The following GYG2 variants were observed in gnomAD, a reference collection of about 807,000 sequenced individuals.
GYG2 encodes glycogenin 2, also known as glycogenin-2.
A neutral mutation model predicts 29.4 loss-of-function variants in GYG2; 29 were observed. The observed-to-expected ratio is 0.99, with a 90% CI of 0.74 to 1.35. The LOEUF (loss-of-function observed/expected upper bound fraction) is 1.35, where lower values mean the gene tolerates loss of function less well. Ranked by LOEUF, GYG2 falls within the 40% of genes most tolerant of loss-of-function variation. The pLI, the probability that GYG2 is intolerant of heterozygous loss-of-function variation, is 0.00. For missense variants in GYG2, 370 were observed against 385.7 expected (o/e 0.96, Z 0.34); for synonymous variants, 167 against 172.3 (o/e 0.97, Z 0.24).
Position 2,843,216 on chromosome X carries a change from C to T in GYG2, c.11C>T (p.Thr4Ile), listed in dbSNP as rs779777696. Reference sequence around the variant, plus strand: ...GTGTTTCTGTTGATTTTCACAGTGACTGATCAGGCTTTTGTCACACTAGCC... The same window carrying T: ...GTGTTTCTGTTGATTTTCACAGTGATTGATCAGGCTTTTGTCACACTAGCC... MSV[T>I]DQAFVTLATN... The change falls in exon 3 of 11, where the codon ACT becomes ATT. Residue 4 changes from threonine (T) to isoleucine (I), a missense_variant. Coordinates refer to ENST00000398806, the MANE Select transcript of GYG2 (RefSeq NM_001079855.2). 2 of 1,204,653 alleles carry T rather than the reference C, an allele frequency of 1.7e-6. No homozygotes were observed. The highest frequency in any genetic ancestry group is 3.5e-5 in the South Asian group (2 of 56,726).
chrX:2,854,846 C>G lies in GYG2; in HGVS notation c.325-147C>G, dbSNP rs1654019292. The G allele has an allele frequency of 5.8e-6, 3 of 519,503 alleles. No individual in the cohort carries two copies. In the South Asian group the frequency reaches 1.1e-4, roughly 19 times the overall value. The allele number at this position is 519,503 out of a possible 1,213,427, so 42.8% of individuals were successfully genotyped here. ...ACTCAAGAGGCTGAGGTGGGGGGAT[C>G]GCTTGAACCCGGGAGGCGGAGGCCG... On this transcript the variant is annotated intron_variant, in intron 4 of 10. Transcript: ENST00000398806.
intron 2 of GYG2, among the ~76,000 whole-genome samples, chrX:2,832,181 T>C (rs1224962781): frequency 4.4e-5 from 5 of 112,752 alleles, no homozygotes; most frequent in Admixed American, 1.9e-4. Context: ...CTTTGCACTT[T>C]AGATGGGTTT....
chrX:2,837,600 G>T (rs894828670), intron 2 of GYG2, among the ~76,000 whole-genome samples: 11 of 110,375 alleles, frequency 1.0e-4, no homozygotes, highest in African/African-American at 3.3e-4. Flanking sequence ...GTTCCTAAAG[G>T]ATGCACTCCT....
chrX:2,865,559 T>C (rs2088277292), intron 8 of GYG2, among the ~76,000 whole-genome samples: 1 of 111,287 alleles, frequency 9.0e-6, no homozygotes, highest in Admixed American at 9.6e-5. Flanking sequence ...AAGCCAAACC[T>C]AGGAGAGACT....
chrX:2,842,185 C>CTTTCTTTTTTCTTT lies in GYG2; in HGVS notation c.8-1017_8-1004dup, dbSNP rs58249720. Among the ~76,000 whole-genome samples, 8 of 102,721 alleles carry CTTTCTTTTTTCTTT rather than the reference C, an allele frequency of 7.8e-5. 1 individual carries two copies. The highest frequency in any genetic ancestry group is 1.4e-4 in the Non-Finnish European group (7 of 50,516). 89.2% of individuals were successfully genotyped at this position (102,721 alleles called of 115,157 possible). ...GGAGCACGATTCTTTTCTTTCCTTT[C>CTTTCTTTTTTCTTT]TTTCTTTTTTCTTTTTTCTTTTTTT... On this transcript the variant is annotated intron_variant, in intron 2 of 10. Coordinates refer to ENST00000398806, the MANE Select transcript of GYG2 (RefSeq NM_001079855.2).
At chrX:2,846,055 ATTTTTTTTTTT>A (rs374480210) in intron 3 of GYG2, among the ~76,000 whole-genome samples, 60 of 38,655 alleles carry the variant, frequency 1.6e-3, no homozygotes, top group African/African-American at 5.6e-3. Flanking sequence ...ATATATATAT[ATTTTTTTTTTT>A]TTTTTTTTTT....
intron 2 of GYG2, among the ~76,000 whole-genome samples, chrX:2,834,317 G>A (rs1328894665): frequency 8.9e-6 from 1 of 111,945 alleles, no homozygotes; most frequent in African/African-American, 3.2e-5. Flanking sequence ...TGAAGCACAT[G>A]TCTGTGTTGG....
At chrX:2,829,092 T>G (rs1603458334) in intron 1 of GYG2, 117 bp downstream of exon 1, 1 of 20,284 alleles carries the variant, frequency 4.9e-5, no homozygotes, top group Non-Finnish European at 8.9e-5. Context: ...CGAGGGTGGG[T>G]GGCGTACAGC....
At chrX:2,879,216 T>G (rs1160132468) in intron 10 of GYG2, among the ~76,000 whole-genome samples, 1 of 90,094 alleles carries the variant, frequency 1.1e-5, no homozygotes, top group East Asian at 4.4e-4. Flanking sequence ...TATCTTTCTA[T>G]ATATCTATCT....
At chrX:2,877,677 C>G (rs986186496) in intron 10 of GYG2, 2 of 749,470 alleles carry the variant, frequency 2.7e-6, no homozygotes, top group Non-Finnish European at 3.1e-6. Flanking sequence ...TGCTAATGTT[C>G]GAATCCAAAT....
At chrX:2,850,707 C>T (rs931514746) in intron 3 of GYG2, among the ~76,000 whole-genome samples, 1 of 111,247 alleles carries the variant, frequency 9.0e-6, no homozygotes, top group Non-Finnish European at 1.9e-5. Flanking sequence ...CATCCTGGCT[C>T]AAAAGCTCCC....
chrX:2,843,735 T>A (rs1347199731), intron 3 of GYG2, among the ~76,000 whole-genome samples: 2 of 111,799 alleles, frequency 1.8e-5, no homozygotes, highest in African/African-American at 6.5e-5. Flanking sequence ...GCTCAAGCGA[T>A]CTTCCCTCCT....
At chrX:2,878,628 G>C (rs2088652428) in intron 10 of GYG2, among the ~76,000 whole-genome samples, 1 of 111,192 alleles carries the variant, frequency 9.0e-6, no homozygotes, top group Non-Finnish European at 1.9e-5. Flanking sequence ...CCACCTCACA[G>C]AATTGGAAGG....
Position 2,861,602 on chromosome X carries a change from T to A in GYG2, c.918T>A (p.Ser306Arg), listed in dbSNP as rs141040522. ...AGCCGTGTGAAAATTCAACACCCAG[T>A]GCGGGCGTGCCGTGTGCAAATTCAC... Reference protein sequence around the residue: ...VGEPCENSTPSAGVPCANSPL... With the variant: ...VGEPCENSTPRAGVPCANSPL... Residue 306 changes from serine to arginine, a missense_variant, in exon 8 of 11, where the codon AGT (serine) becomes AGA (arginine). Ser to Arg is a moderately radical substitution (Grantham distance 110). Coordinates refer to ENST00000398806, the MANE Select transcript of GYG2 (RefSeq NM_001079855.2). The A allele has an allele frequency of 4.6e-5, 55 of 1,204,794 alleles. No individual in the cohort carries two copies. In the African/African-American group the frequency reaches 6.8e-4, roughly 15 times the overall value.
intron 5 of GYG2, among the ~76,000 whole-genome samples, chrX:2,855,579 G>C (rs2087966108): frequency 8.9e-6 from 1 of 112,102 alleles, no homozygotes; most frequent in Non-Finnish European, 1.9e-5. Context: ...TTTATGTGTT[G>C]CATGACTGTA....
chrX:2,857,447 TA>T (rs1329352119), intron 6 of GYG2, among the ~76,000 whole-genome samples: 1 of 110,717 alleles, frequency 9.0e-6, no homozygotes, highest in Non-Finnish European at 1.9e-5. Flanking sequence ...TCTATCTATA[TA>T]CATAGATCTA....
rs1299169410 is a variant in GYG2, at chrX:2,842,362, T to C, written c.8-851T>C. ...GGCATGCACCACCTCGCCTGGCTAATTTTTTTTTTTTTCCAGTACAGATGA... is the reference window on the plus strand; with the variant it reads ...GGCATGCACCACCTCGCCTGGCTAACTTTTTTTTTTTTCCAGTACAGATGA... On this transcript the variant is annotated intron_variant, in intron 2 of 10. Coordinates refer to ENST00000398806, the MANE Select transcript of GYG2 (RefSeq NM_001079855.2). Among the ~76,000 whole-genome samples the C allele has an allele frequency of 3.7e-5, 3 of 81,410 alleles. No homozygotes were observed. In the East Asian group the frequency reaches 1.2e-3, roughly 34 times the overall value. 70.7% of individuals were successfully genotyped at this position (81,410 alleles called of 115,157 possible).
At chrX:2,861,791 C>A in intron 8 of GYG2, 69 bp downstream of exon 8, 1 of 866,350 alleles carries the variant, frequency 1.2e-6, no homozygotes, top group African/African-American at 2.0e-5. Flanking sequence ...CAGAGAGAGC[C>A]GGCTTCCCTG....
At chrX:2,829,707 G>T (rs1161733297) in intron 1 of GYG2, among the ~76,000 whole-genome samples, 1 of 108,757 alleles carries the variant, frequency 9.2e-6, no homozygotes, top group African/African-American at 3.4e-5. Flanking sequence ...TGGGGTGGAG[G>T]AAGAGGATGC....
Sources: gnomAD v4.1 joint callset for allele counts (sites outside exome capture counted in the v4.1 genomes callset) on GRCh38, gnomAD v4.1.1 for gene constraint, MANE v1.5 for transcripts, NCBI Gene and HGNC (gene_info 2026-07-23, HGNC 2026-07-21) for gene names.